TRMT9B: variants seen among roughly 807,000 people sequenced by gnomAD.
The protein encoded by TRMT9B is probable tRNA methyltransferase 9B.
In TRMT9B, 16 loss-of-function variants were observed where a neutral mutation model predicts 11.5. The observed-to-expected ratio is 1.39, with a 90% CI of 0.94 to 2.11. The LOEUF (loss-of-function observed/expected upper bound fraction) is 2.11, where lower values mean the gene tolerates loss of function less well. Ranked by LOEUF, TRMT9B falls within the 30% of genes most tolerant of loss-of-function variation. The pLI, the probability that TRMT9B is intolerant of heterozygous loss-of-function variation, is 0.00. For synonymous variants in TRMT9B, 274 were observed against 192.4 expected, an observed-to-expected ratio of 1.42 and a Z score of -3.51; for missense variants, 941 against 553.8, an observed-to-expected ratio of 1.70 and a Z score of -7.02.
chr8:12,957,255 C>CT (rs1201079967), intron 1 of TRMT9B, among the ~76,000 whole-genome samples: 2 of 152,262 alleles, frequency 1.3e-5, no homozygotes, highest in African/African-American at 4.8e-5. Context: ...GGGCCCATGT[C>CT]TTTGTCTTCT....
intron 1 of TRMT9B, among the ~76,000 whole-genome samples, chr8:12,976,655 A>G (rs759873121): frequency 6.6e-6 from 1 of 152,182 alleles, no homozygotes; most frequent in African/African-American, 2.4e-5. Flanking sequence ...TATTCAAAAG[A>G]TGTTACTGAA....
intron 1 of TRMT9B, among the ~76,000 whole-genome samples, chr8:12,971,018 T>C (rs1271891146): frequency 1.3e-5 from 2 of 152,222 alleles, no homozygotes; most frequent in East Asian, 1.9e-4. Context: ...TAGTTGTACA[T>C]ATTTTGGGGT....
chr8:13,026,837 GC>G lies in TRMT9B; in HGVS notation c.*4795del, dbSNP rs1814746853. 1.2e-5 allele frequency: 2 copies of G among 167,176 alleles called. No homozygotes were observed. Among genetic ancestry groups the G allele is most frequent in the East Asian group, 3.9e-4 (2 of 5,178 alleles). 10.4% of individuals were successfully genotyped at this position (167,176 alleles called of 1,614,324 possible). A position where few individuals can be genotyped will look rare whatever the true frequency, so the allele number is the denominator to read the frequency against. On this transcript the variant is annotated 3_prime_UTR_variant, in exon 5 of 5. Coordinates refer to ENST00000524591, the MANE Select transcript of TRMT9B (RefSeq NM_020844.3). ...CTCATGTGCTTGGCGGAGTATTAGA[GC>G]CTTTCAAGGTAAGTGTGATTATCCC...
At chr8:13,015,544 T>A (rs1260124822) in intron 4 of TRMT9B, among the ~76,000 whole-genome samples, 1 of 140,310 alleles carries the variant, frequency 7.1e-6, no homozygotes, top group Admixed American at 7.6e-5. Flanking sequence ...TTTGTAGAGA[T>A]GGGGTTGCCA....
intron 3 of TRMT9B, chr8:13,011,394 G>T (rs1464389144): frequency 3.0e-6 from 3 of 985,224 alleles, no homozygotes; most frequent in East Asian, 1.1e-4. Context: ...GTAAGGAGGG[G>T]TTATTAGTGT....
rs2128907450 is a variant in TRMT9B at position 13,028,084 on chromosome 8, G to T, written c.*6040G>T. 1 of 167,118 alleles carries T rather than the reference G, an allele frequency of 6.0e-6. No homozygotes were observed. Among genetic ancestry groups the T allele is most frequent in the Non-Finnish European group, 1.5e-5 (1 of 68,102 alleles). The allele number at this position is 167,118 out of a possible 1,614,324, so 10.4% of individuals were successfully genotyped here. A position where few individuals can be genotyped will look rare whatever the true frequency, so the allele number is the denominator to read the frequency against. ...TCAAAGAGAAGATTCTAGCTGAATT[G>T]TTCTATTTTTAATTCCCCAGGGATC... On this transcript the variant is annotated 3_prime_UTR_variant, in exon 5 of 5. Transcript: ENST00000524591.
chr8:12,965,916 G>A (rs1404452335), intron 1 of TRMT9B, among the ~76,000 whole-genome samples: 1 of 151,810 alleles, frequency 6.6e-6, no homozygotes, highest in Non-Finnish European at 1.5e-5. Context: ...GGGAGGCTGA[G>A]GCAGGAGAAC....
In TRMT9B at chr8:12,947,634, C is replaced by G. The variant is rs1800327955; in HGVS notation, c.-200+1668C>G. Among the ~76,000 whole-genome samples, 4 of 152,294 alleles carry G rather than the reference C, an allele frequency of 2.6e-5. No individual in the cohort carries two copies. In the South Asian group the frequency reaches 8.3e-4, roughly 32 times the overall value. On this transcript the variant is annotated intron_variant, in intron 1 of 4. Transcript: ENST00000524591. ...AAATATGTGCATTGAGTTCTAAGTG[C>G]TAAGGACTGTGATAGCCAATGAGGA...
In TRMT9B at chr8:12,998,603, T is replaced by C. The variant is rs1222232639; in HGVS notation, c.-2+7572T>C. Among the ~76,000 whole-genome samples the C allele has an allele frequency of 2.0e-5, 3 of 152,198 alleles. No homozygotes were observed. The East Asian group carries it at 5.8e-4, about 29-fold the overall frequency. On this transcript the variant is annotated intron_variant, in intron 2 of 4. Coordinates refer to ENST00000524591, the MANE Select transcript of TRMT9B (RefSeq NM_020844.3). ...GTGCTAACTTCTTAGGAGGAGCAGGTATAAAAAGCACCGTCTTGAGGACAT... is the reference window on the plus strand; with the variant it reads ...GTGCTAACTTCTTAGGAGGAGCAGGCATAAAAAGCACCGTCTTGAGGACAT...
chr8:13,012,805 C>T lies in TRMT9B; in HGVS notation c.276C>T (p.Asn92=), dbSNP rs753545815. The change falls in exon 4 of 5, where the codon AAC becomes AAT. Residue 92 remains asparagine, a synonymous_variant. Transcript: ENST00000524591. The stretch of plus-strand genomic sequence containing the variant: ...GATGTGAAGCCATGGTATGTGACAA[C>T]CTTAATCTCCCCTTTAGGGATGAGG... The part of the protein sequence containing the change: ...NRGCEAMVCD[N]LNLPFRDEGF... 3.1e-6 allele frequency: 5 copies of T among 1,613,942 alleles called. No homozygotes were observed. Among genetic ancestry groups the T allele is most frequent in the Middle Eastern group, 3.3e-4 (2 of 6,062 alleles).
At chr8:12,967,774 T>C (rs1009194086) in intron 1 of TRMT9B, among the ~76,000 whole-genome samples, 1 of 152,204 alleles carries the variant, frequency 6.6e-6, no homozygotes, top group Non-Finnish European at 1.5e-5. Flanking sequence ...AAGTGATCAG[T>C]GGGACAAAGC....
intron 1 of TRMT9B, among the ~76,000 whole-genome samples, chr8:12,949,138 T>C (rs1800415740): frequency 6.6e-6 from 1 of 152,204 alleles, no homozygotes; most frequent in Non-Finnish European, 1.5e-5. Context: ...CCTGTTTGTA[T>C]TGTTTTCTTT....
At position 13,012,313 on chromosome 8, in the gene TRMT9B, G is replaced by T. The variant is rs1055041357; in HGVS notation, c.155-371G>T. 25 of 983,824 alleles carry T rather than the reference G, an allele frequency of 2.5e-5. No individual in the cohort carries two copies. In the Admixed American group the frequency reaches 1.1e-3, roughly 44 times the overall value. 60.9% of individuals were successfully genotyped at this position (983,824 alleles called of 1,614,324 possible). A position where few individuals can be genotyped will look rare whatever the true frequency, so the allele number is the denominator to read the frequency against. ...AAAAGTTGGCCAGGCACAGTGGCTTGCACCTGTAATCCCAGCACTTTGGGA... is the reference window on the plus strand; with the variant it reads ...AAAAGTTGGCCAGGCACAGTGGCTTTCACCTGTAATCCCAGCACTTTGGGA... On this transcript the variant is annotated intron_variant, in intron 3 of 4. Coordinates refer to ENST00000524591, the MANE Select transcript of TRMT9B (RefSeq NM_020844.3).
chr8:12,967,072 C>T (rs1408797338), intron 1 of TRMT9B, among the ~76,000 whole-genome samples: 1 of 152,228 alleles, frequency 6.6e-6, no homozygotes, highest in African/African-American at 2.4e-5. Context: ...ATTTTTTTAA[C>T]AGTACACAAA....
At chr8:13,006,564 C>G (rs1810518796) in intron 3 of TRMT9B, 7 of 1,422,260 alleles carry the variant, frequency 4.9e-6, no homozygotes, top group Non-Finnish European at 5.5e-6. Flanking sequence ...AATAGGAATC[C>G]TGAAATTGCA....
At chr8:13,001,930 T>A (rs1463732807) in intron 2 of TRMT9B, among the ~76,000 whole-genome samples, 2 of 152,182 alleles carry the variant, frequency 1.3e-5, no homozygotes, top group African/African-American at 4.8e-5. Flanking sequence ...ACTAGTCTTA[T>A]TAGCTTAGTC....
At chr8:13,019,274 A>G (rs1231040270) in intron 4 of TRMT9B, among the ~76,000 whole-genome samples, 3 of 152,152 alleles carry the variant, frequency 2.0e-5, no homozygotes, top group Non-Finnish European at 4.4e-5. Flanking sequence ...TGGGAGATAC[A>G]TTTATATGAG....
At chr8:13,016,202 T>A (rs1352041548) in intron 4 of TRMT9B, among the ~76,000 whole-genome samples, 4 of 141,858 alleles carry the variant, frequency 2.8e-5, no homozygotes, top group African/African-American at 1.0e-4. Flanking sequence ...AAATATATAT[T>A]TATATATATA....
intron 1 of TRMT9B, among the ~76,000 whole-genome samples, chr8:12,986,879 G>C (rs1806401461): frequency 6.6e-6 from 1 of 152,084 alleles, no homozygotes; most frequent in African/African-American, 2.4e-5. Flanking sequence ...ATTTAACCAA[G>C]TTCTTTCTCT....
Sources: gnomAD v4.1 joint callset for allele counts (sites outside exome capture counted in the v4.1 genomes callset) on GRCh38, gnomAD v4.1.1 for gene constraint, MANE v1.5 for transcripts, NCBI Gene and HGNC (gene_info 2026-07-23, HGNC 2026-07-21) for gene names.